The following AGAP1 variants were observed in gnomAD, a reference collection of about 807,000 sequenced individuals.
AGAP1 encodes the protein arf-GAP with GTPase, ANK repeat and PH domain-containing protein 1.
AGAP1 carries 29 observed loss-of-function variants against 105.3 expected under a neutral mutation model. That is an observed-to-expected ratio of 0.28 (90% confidence interval 0.21 to 0.38). AGAP1 has a LOEUF of 0.38. AGAP1 is among the 10% of genes least tolerant of loss of function. The probability of loss-of-function intolerance (pLI) is 1.00; values close to 1 mark genes in which losing one functional copy is unlikely to be tolerated. For synonymous variants in AGAP1, 509 were observed against 485.9 expected (o/e 1.05, Z -0.63); for missense variants, 998 against 1,165.1 (o/e 0.86, Z 2.09).
chr2:235,581,893 C>A (rs1371883765), intron 1 of AGAP1, among the ~76,000 whole-genome samples: 1 of 152,140 alleles, frequency 6.6e-6, no homozygotes, highest in Non-Finnish European at 1.5e-5. Context: ...TGATTGGTGT[C>A]AAAAATTGAA....
At position 235,983,371 on chromosome 2, in the gene AGAP1, C is replaced by T. The variant is rs183528250; in HGVS notation, c.1645+14748C>T. Among the ~76,000 whole-genome samples the T allele has an allele frequency of 6.6e-6, 1 of 152,318 alleles. No individual in the cohort carries two copies. Among genetic ancestry groups the T allele is most frequent in the Non-Finnish European group, 1.5e-5 (1 of 68,022 alleles). The stretch of plus-strand genomic sequence containing the variant: ...CCTCTCCAGCACCAACCTCCCATCA[C>T]TTTCTACATTCTGGCCCCTTTTTCT... On this transcript the variant is annotated intron_variant, in intron 13 of 17. Coordinates refer to ENST00000304032, the MANE Select transcript of AGAP1 (RefSeq NM_001037131.3). This position sits in a 1 kb window ranked among gnomAD's most constrained non-coding sequence, Gnocchi z 4.5.
chr2:235,602,439 T>C, intron 1 of AGAP1, among the ~76,000 whole-genome samples: 1 of 152,146 alleles, frequency 6.6e-6, no homozygotes, highest in East Asian at 1.9e-4. Flanking sequence ...CCTCACTACC[T>C]CTTTGCCCGC....
intron 1 of AGAP1, chr2:235,670,507 C>T (rs1054871935): frequency 5.8e-5 from 29 of 496,782 alleles, no homozygotes; most frequent in Non-Finnish European, 9.2e-5. Flanking sequence ...CGCCCGCGTC[C>T]GGCAGCCCCG....
At chr2:235,532,275 G>A (rs1304041245) in intron 1 of AGAP1, among the ~76,000 whole-genome samples, 1 of 152,048 alleles carries the variant, frequency 6.6e-6, no homozygotes, top group Non-Finnish European at 1.5e-5. Context: ...GCAGTGCAAC[G>A]GTGTGATCTC....
rs189517033 is a variant in AGAP1 at position 236,113,165 on chromosome 2, G to A, written c.2115-7027G>A. 7.9e-5 allele frequency among the ~76,000 whole-genome samples: 12 copies of A among 152,194 alleles called. No homozygotes were observed. In the East Asian group the frequency reaches 2.3e-3, roughly 29 times the overall value. ...GTTTGTTTTGTTTGTTTTTGAGACG[G>A]AGTCTCGCTCTTTTGCCCAGGCTGG... On this transcript the variant is annotated intron_variant, in intron 16 of 17. Coordinates refer to ENST00000304032, the MANE Select transcript of AGAP1 (RefSeq NM_001037131.3). This position sits in a 1 kb window ranked among gnomAD's most constrained non-coding sequence, Gnocchi z 4.3.
At position 235,994,265 on chromosome 2, in the gene AGAP1, T is replaced by G. The variant is rs1269724977; in HGVS notation, c.1645+25642T>G. On this transcript the variant is annotated intron_variant, in intron 13 of 17. Coordinates refer to ENST00000304032, the MANE Select transcript of AGAP1 (RefSeq NM_001037131.3). The surrounding 1 kb of genome is among the most constrained non-coding windows in gnomAD (Gnocchi z 4.4). ...CATCCATTTCTGTTGAAACTGGTCA[T>G]AGTTAGCATTTCTCCATGTCTGTGC... Among the ~76,000 whole-genome samples, 1 of 152,222 alleles carries G rather than the reference T, an allele frequency of 6.6e-6. No individual in the cohort carries two copies. Among genetic ancestry groups the G allele is most frequent in the Non-Finnish European group, 1.5e-5 (1 of 68,036 alleles).
chr2:236,111,296 T>C (rs2125936677), intron 16 of AGAP1, among the ~76,000 whole-genome samples: 1 of 151,942 alleles, frequency 6.6e-6, no homozygotes, highest in East Asian at 1.9e-4. Context: ...CTCAGGAGGC[T>C]GAGGTGGGAG....
chr2:236,018,599 C>A (rs1250510481), intron 13 of AGAP1, among the ~76,000 whole-genome samples: 1 of 152,124 alleles, frequency 6.6e-6, no homozygotes, highest in African/African-American at 2.4e-5. Flanking sequence ...CTTCCAGTAC[C>A]TAAATAGATA....
At chr2:235,766,983 G>T (rs534951475) in intron 6 of AGAP1, among the ~76,000 whole-genome samples, 21 of 143,330 alleles carry the variant, frequency 1.5e-4, no homozygotes, top group African/African-American at 5.4e-4. Context: ...GTATGATCTT[G>T]GCTCACTGCA....
At chr2:235,538,273 G>A (rs1559232905) in intron 1 of AGAP1, among the ~76,000 whole-genome samples, 1 of 152,142 alleles carries the variant, frequency 6.6e-6, no homozygotes, top group Non-Finnish European at 1.5e-5. Context: ...TTTGGCTAAG[G>A]CATATTGTGT....
Position 236,112,712 on chromosome 2 carries a change from G to A in AGAP1, c.2115-7480G>A, listed in dbSNP as rs984932259. 7.0e-4 allele frequency among the ~76,000 whole-genome samples: 106 copies of A among 152,194 alleles called. 1 individual carries two copies. The highest frequency in any genetic ancestry group is 2.2e-3 in the African/African-American group (91 of 41,464). On this transcript the variant is annotated intron_variant, in intron 16 of 17. Coordinates refer to ENST00000304032, the MANE Select transcript of AGAP1 (RefSeq NM_001037131.3). ...CAGGAGGCGGCACTCGCATTCACAC[G>A]CACACGCACAGAACGCTCTCCCGCT...
In AGAP1 at chr2:235,549,350, G is replaced by A. The variant is rs950138640; in HGVS notation, c.163+54501G>A. ...AGCTCTCACCTGGGAAGGTCAGCGT[G>A]CAGGGTTGCAGACTGCTTAAGCCTC... On this transcript the variant is annotated intron_variant, in intron 1 of 17. Transcript: ENST00000304032. The surrounding 1 kb of genome is among the most constrained non-coding windows in gnomAD (Gnocchi z 4.2). 1.3e-5 allele frequency among the ~76,000 whole-genome samples: 2 copies of A among 152,170 alleles called. No individual in the cohort carries two copies. The highest frequency in any genetic ancestry group is 2.4e-5 in the African/African-American group (1 of 41,462).
intron 1 of AGAP1, among the ~76,000 whole-genome samples, chr2:235,647,864 T>C (rs927024153): frequency 1.3e-5 from 2 of 152,088 alleles, no homozygotes; most frequent in Non-Finnish European, 2.9e-5. Flanking sequence ...CCAGGTCTCT[T>C]CCTTGTCCTT....
chr2:235,920,766 A>T (rs1218012259), intron 11 of AGAP1, among the ~76,000 whole-genome samples: 3 of 152,212 alleles, frequency 2.0e-5, no homozygotes, highest in African/African-American at 7.2e-5. Context: ...TTAAAGACAA[A>T]CAAGATTAGC....
rs376533017 is a variant in AGAP1 at position 236,036,630 on chromosome 2, C to T, written c.1715C>T (p.Thr572Met). 74 of 1,614,206 alleles carry T rather than the reference C, an allele frequency of 4.6e-5. No homozygotes were observed. Among genetic ancestry groups the T allele is most frequent in the Middle Eastern group, 1.6e-4 (1 of 6,062 alleles). Residue 572 changes from threonine to methionine, a missense_variant, in exon 14 of 18, where the codon ACG becomes ATG. Physicochemically the swap from Thr to Met is moderately conservative, Grantham distance 81 (BLOSUM62 -1). Transcript: ENST00000304032. The surrounding 1 kb of genome is among the most constrained non-coding windows in gnomAD (Gnocchi z 5.7). The stretch of plus-strand genomic sequence containing the variant: ...CAAACATGGCACTTTGAAGCCACGA[C>T]GTATGAGGAGCGGGACGCCTGGGTC... ...TGQTWHFEAT[T>M]YEERDAWVQA...
chr2:235,729,914 A>G lies in AGAP1; in HGVS notation c.311-11049A>G, dbSNP rs966908942. 6.6e-6 allele frequency among the ~76,000 whole-genome samples: 1 copy of G among 152,064 alleles called. No homozygotes were observed. The highest frequency in any genetic ancestry group is 2.4e-5 in the African/African-American group (1 of 41,358). On this transcript the variant is annotated intron_variant, in intron 3 of 17. Coordinates refer to ENST00000304032, the MANE Select transcript of AGAP1 (RefSeq NM_001037131.3). This position sits in a 1 kb window ranked among gnomAD's most constrained non-coding sequence, Gnocchi z 5.0. ...AAGGATACAACATGCAAGGCCTAAA[A>G]TGTTTACTTTCTGGCCTTTTACACA...
At chr2:235,775,807 A>G (rs1955816409) in intron 6 of AGAP1, 1 of 152,338 alleles carries the variant, frequency 6.6e-6, no homozygotes, top group Non-Finnish European at 1.5e-5. Context: ...AAGTATTTCA[A>G]AGATAGAAAA....
chr2:235,535,208 A>G lies in AGAP1; in HGVS notation c.163+40359A>G, dbSNP rs1943171129. Among the ~76,000 whole-genome samples the G allele has an allele frequency of 6.6e-6, 1 of 152,060 alleles. No individual in the cohort carries two copies. Among genetic ancestry groups the G allele is most frequent in the Non-Finnish European group, 1.5e-5 (1 of 67,998 alleles). ...CACCAGGTTGCCTCCCATCGTTTGC[A>G]GGAGCGGAAGACCCGATGGAGCAGG... On this transcript the variant is annotated intron_variant, in intron 1 of 17. Transcript: ENST00000304032. The surrounding 1 kb of genome is among the most constrained non-coding windows in gnomAD (Gnocchi z 5.1).
At chr2:235,505,055 G>A (rs1397760791) in intron 1 of AGAP1, among the ~76,000 whole-genome samples, 9 of 152,162 alleles carry the variant, frequency 5.9e-5, no homozygotes, top group Non-Finnish European at 2.9e-5. Flanking sequence ...TTCTGGCTGA[G>A]CCCCAAGCAG....
Sources: gnomAD v4.1 joint callset for allele counts (sites outside exome capture counted in the v4.1 genomes callset) on GRCh38, gnomAD v4.1.1 for gene constraint, Gnocchi (gnomAD v3.1) non-coding constraint, MANE v1.5 for transcripts, NCBI Gene and HGNC (gene_info 2026-07-23, HGNC 2026-07-21) for gene names.